TOPORS: variants seen among roughly 807,000 people sequenced by gnomAD.
TOPORS encodes the protein TOP1 binding arginine/serine rich protein, E3 ubiquitin ligase, also known as E3 ubiquitin-protein ligase Topors.
A neutral mutation model predicts 81.4 loss-of-function variants in TOPORS; 25 were observed. The ratio of observed to expected loss-of-function variants is 0.31; its 90% CI spans 0.22 to 0.43. The LOEUF is 0.43. Ranked by LOEUF, TOPORS falls within the 20% of genes least tolerant of loss-of-function variation. The pLI is 1.00. For synonymous variants in TOPORS, 473 were observed against 456.6 expected (o/e 1.04, Z -0.46); for missense variants, 1,101 against 1,267.0 (o/e 0.87, Z 1.99).
Position 32,542,676 on chromosome 9 carries a change from T to G in TOPORS, c.1849A>C (p.Lys617Gln), listed in dbSNP as rs191872498. 4.6e-5 allele frequency: 74 copies of G among 1,614,074 alleles called. No homozygotes were observed. In the East Asian group the frequency reaches 1.6e-3, roughly 36 times the overall value. The change falls in exon 3 of 3, where the codon AAG (lysine) becomes CAG (glutamine). Residue 617 changes from lysine to glutamine, a missense_variant. Around this residue, in one of 9 missense-constraint regions of TOPORS, gnomAD observed 605 missense variants for 636.1 expected, o/e 0.95. Transcript: ENST00000360538. ...RSGHDQKNHR[K>Q]HHGKKRMKSK... ...TTCATTCTTTTCTTCCCATGATGCT[T>G]TCTATGATTCTTCTGATCATGCCCA...
intron 2 of TOPORS, among the ~76,000 whole-genome samples, chr9:32,548,534 A>AAC (rs141782813): frequency 5.0e-4 from 75 of 150,806 alleles, no homozygotes; most frequent in Admixed American, 1.1e-3. Context: ...CTCACACACA[A>AAC]ACACACACAC....
Position 32,541,568 on chromosome 9 carries a change from G to A in TOPORS, c.2957C>T (p.Pro986Leu). 6.2e-7 allele frequency: 1 copy of A among 1,614,136 alleles called. No individual in the cohort carries two copies. Among genetic ancestry groups the A allele is most frequent in the Non-Finnish European group, 8.5e-7 (1 of 1,180,008 alleles). The stretch of plus-strand genomic sequence containing the variant: ...TTGTTCAACTGAAGCTGCCAGAGGT[G>A]GAATATTATCTACAGTTTTGTTGGC... ...NNANKTVDNI[P>L]PLAASVEQTL... Residue 986 changes from proline (P) to leucine (L), a missense_variant, in exon 3 of 3, where the codon CCA becomes CTA. Around this residue, in one of 9 missense-constraint regions of TOPORS, gnomAD observed 605 missense variants for 636.1 expected, o/e 0.95. Coordinates refer to ENST00000360538, the MANE Select transcript of TOPORS (RefSeq NM_005802.5).
In TOPORS at chr9:32,542,943, C is replaced by T; in HGVS notation, c.1582G>A (p.Asp528Asn). 1.2e-6 allele frequency: 2 copies of T among 1,614,104 alleles called. No homozygotes were observed. Among genetic ancestry groups the T allele is most frequent in the South Asian group, 1.1e-5 (1 of 91,080 alleles). The stretch of plus-strand genomic sequence containing the variant: ...TGTGGAGATGAGCATCTACTAACAT[C>T]GCTATCACCAGAACTGTAAGATTGC... Reference protein sequence around the residue: ...QEQSYSSGDSDVSRCSSPHSV... With the variant: ...QEQSYSSGDSNVSRCSSPHSV... The change falls in exon 3 of 3, where the codon GAT becomes AAT. Residue 528 changes from aspartate to asparagine, a missense_variant. By Grantham distance (23) the Asp-to-Asn change is conservative. Transcript: ENST00000360538.
Position 32,542,507 on chromosome 9 carries a change from C to A in TOPORS, c.2018G>T (p.Arg673Leu), listed in dbSNP as rs147497536. ...SSESTSRSRS[R>L]SSDHGKRRSR... ...TCTTCTTTTACCATGATCACTGCTA[C>A]GAGACCTTGATCTGCTTGTGCTTTC... is the stretch of plus-strand genomic sequence containing the variant. Residue 673 changes from arginine to leucine, a missense_variant, in exon 3 of 3, where the codon CGT becomes CTT. Arg to Leu is a moderately radical substitution (Grantham distance 102). Coordinates refer to ENST00000360538, the MANE Select transcript of TOPORS (RefSeq NM_005802.5). 261 of 1,614,000 alleles carry A rather than the reference C, an allele frequency of 1.6e-4. No homozygotes were observed. Among genetic ancestry groups the A allele is most frequent in the Non-Finnish European group, 2.1e-4 (242 of 1,180,012 alleles).
intron 2 of TOPORS, among the ~76,000 whole-genome samples, chr9:32,548,171 C>T (rs1056948241): frequency 2.6e-5 from 4 of 151,292 alleles, no homozygotes; most frequent in Admixed American, 6.6e-5. Context: ...CTTAACAAAG[C>T]TGTTTAAAAA....
chr9:32,548,424 T>C (rs1005306856), intron 2 of TOPORS, among the ~76,000 whole-genome samples: 2 of 151,552 alleles, frequency 1.3e-5, no homozygotes, highest in Non-Finnish European at 2.9e-5. Context: ...CTCGGGAGGC[T>C]GAAGCAGGAG....
Position 32,543,883 on chromosome 9 carries a change from T to C in TOPORS, c.642A>G (p.Glu214=). The change falls in exon 3 of 3, where the codon GAA becomes GAG. Residue 214 remains glutamate, a synonymous_variant. Transcript: ENST00000360538. This position sits in a 1 kb window ranked among gnomAD's most constrained non-coding sequence, Gnocchi z 5.6. ...TTPPDSGVLF[E]GLGISTRPRD... is the part of the protein sequence containing the mutation. ...TAGGTCTTGTTGAAATGCCTAACCC[T>C]TCAAACAGTACTCCACTATCCGGTG... 6.2e-7 allele frequency: 1 copy of C among 1,614,192 alleles called. No homozygotes were observed. The highest frequency in any genetic ancestry group is 8.5e-7 in the Non-Finnish European group (1 of 1,180,020).
Position 32,552,429 on chromosome 9 carries a change from C to CT in TOPORS, c.3+4dup, listed in dbSNP as rs781581293. 6.2e-7 allele frequency: 1 copy of CT among 1,609,666 alleles called. No individual in the cohort carries two copies. The highest frequency in any genetic ancestry group is 1.1e-5 in the South Asian group (1 of 90,158). ...AGCTCCCGCGGACTGCTGCCGCCTC[C>CT]TTACCATGAAGCCAGTAAGTCGTCG... On this transcript the variant is annotated splice_donor_region_variant and intron_variant, in intron 1 of 2. Coordinates refer to ENST00000360538, the MANE Select transcript of TOPORS (RefSeq NM_005802.5).
chr9:32,546,648 AGG>A (rs1426692142), intron 2 of TOPORS, among the ~76,000 whole-genome samples: 2 of 152,232 alleles, frequency 1.3e-5, no homozygotes, highest in Non-Finnish European at 2.9e-5. Context: ...AATTTATTAA[AGG>A]GAATTATTAG....
intron 2 of TOPORS, among the ~76,000 whole-genome samples, chr9:32,549,657 C>G (rs747043136): frequency 7.9e-5 from 12 of 152,108 alleles, no homozygotes; most frequent in Non-Finnish European, 1.6e-4. Flanking sequence ...TATATGGGTC[C>G]AGACAGAGGA....
At position 32,552,358 on chromosome 9, in the gene TOPORS, G is replaced by A. The variant is rs752272205; in HGVS notation, c.3+76C>T. On this transcript the variant is annotated intron_variant, in intron 1 of 2. Coordinates refer to ENST00000360538, the MANE Select transcript of TOPORS (RefSeq NM_005802.5). ...GGCTAAAAGATGGCTGCTGGCGCCT[G>A]GCAGCCACCGCCTGGGAGGTTACTG... is the stretch of plus-strand genomic sequence containing the variant. The A allele has an allele frequency of 3.2e-6, 5 of 1,577,192 alleles. No homozygotes were observed. The African/African-American group carries it at 5.4e-5, about 17-fold the overall frequency.
At chr9:32,551,025 A>AC (rs1821239601) in intron 1 of TOPORS, 57 bp from the exon 2 acceptor site, 2 of 1,579,762 alleles carry the variant, frequency 1.3e-6, no homozygotes, top group Middle Eastern at 2.1e-4. Flanking sequence ...AGAGAGCGAG[A>AC]CCCACCCCCC....
rs1431956520 is a variant in TOPORS, at chr9:32,542,318, C to G, written c.2207G>C (p.Ser736Thr). Residue 736 changes from serine (S) to threonine (T), a missense_variant, in exon 3 of 3, where the codon AGT becomes ACT. By Grantham distance (58) the Ser-to-Thr change is moderately conservative. Transcript: ENST00000360538. ...SRAHYSRQSS[S>T]PEFRVQSFSE... ...AAAGGACTGAACTCTAAATTCTGGA[C>G]TTGAAGACTGTCTAGAATAATGAGC... 6.2e-7 allele frequency: 1 copy of G among 1,614,168 alleles called. No individual in the cohort carries two copies. The highest frequency in any genetic ancestry group is 8.5e-7 in the Non-Finnish European group (1 of 1,180,042).
chr9:32,543,912 T>C lies in TOPORS; in HGVS notation c.613A>G (p.Thr205Ala), dbSNP rs1205787392. The C allele has an allele frequency of 2.5e-6, 4 of 1,614,008 alleles. No homozygotes were observed. The highest frequency in any genetic ancestry group is 1.7e-6 in the Non-Finnish European group (2 of 1,179,960). Reference protein sequence around the residue: ...PSGPVNRRTTTPPDSGVLFEG... With the variant: ...PSGPVNRRTTAPPDSGVLFEG... ...AACAGTACTCCACTATCCGGTGGAG[T>C]TGTTGTTCTTCTGTTCACAGGACCA... The change falls in exon 3 of 3, where the codon ACT (threonine) becomes GCT (alanine). Residue 205 changes from threonine (T) to alanine (A), a missense_variant. This residue lies in a region of TOPORS where 120 missense variants were observed against 115.4 expected (regional missense o/e 1.04). Coordinates refer to ENST00000360538, the MANE Select transcript of TOPORS (RefSeq NM_005802.5). This position sits in a 1 kb window ranked among gnomAD's most constrained non-coding sequence, Gnocchi z 5.6.
chr9:32,550,130 A>G (rs1412150241), intron 2 of TOPORS, among the ~76,000 whole-genome samples: 1 of 152,182 alleles, frequency 6.6e-6, no homozygotes, highest in Admixed American at 6.5e-5. Flanking sequence ...AAAATTACCT[A>G]TCAAAAGGTC....
chr9:32,541,743 T>G lies in TOPORS; in HGVS notation c.2782A>C (p.Asn928His). The G allele has an allele frequency of 1.2e-6, 2 of 1,614,220 alleles. No homozygotes were observed. Among genetic ancestry groups the G allele is most frequent in the Non-Finnish European group, 1.7e-6 (2 of 1,180,030 alleles). ...TGTAGAGGGTCTTGAGGACCACTAT[T>G]GTCACATTCTGTATCCTCCTTTACT... ...SEVKEDTECD[N>H]SGPQDPLQNE... The change falls in exon 3 of 3, where the codon AAT (asparagine) becomes CAT (histidine). Residue 928 changes from asparagine (N) to histidine (H), a missense_variant. Physicochemically the swap from Asn to His is moderately conservative, Grantham distance 68. Transcript: ENST00000360538.
intron 1 of TOPORS, chr9:32,552,178 A>C (rs1195486584): frequency 8.3e-6 from 3 of 360,556 alleles, no homozygotes; most frequent in Non-Finnish European, 5.1e-6. Flanking sequence ...AGTTGGCAAA[A>C]AAAAAAAAAA....
chr9:32,541,517 G>A lies in TOPORS; in HGVS notation c.3008C>T (p.Thr1003Ile), dbSNP rs1348881770. ...EQTLDVREES[T>I]FVSDLENQPS... The stretch of plus-strand genomic sequence containing the variant: ...CTGGTTCTCCAAATCAGAAACAAAG[G>A]TGCTCTCTTCTCTTACATCGAGAGT... Residue 1003 changes from threonine to isoleucine, a missense_variant, in exon 3 of 3, where the codon ACC becomes ATC. By Grantham distance (89) the Thr-to-Ile change is moderately conservative (BLOSUM62 -1). This residue lies in a region of TOPORS where 605 missense variants were observed against 636.1 expected (regional missense o/e 0.95). Coordinates refer to ENST00000360538, the MANE Select transcript of TOPORS (RefSeq NM_005802.5). 7 of 1,614,214 alleles carry A rather than the reference G, an allele frequency of 4.3e-6. No individual in the cohort carries two copies. The highest frequency in any genetic ancestry group is 5.9e-6 in the Non-Finnish European group (7 of 1,180,028).
rs1345834132 is a variant in TOPORS at position 32,543,780 on chromosome 9, T to C, written c.745A>G (p.Lys249Glu). 6.2e-7 allele frequency: 1 copy of C among 1,611,406 alleles called. No homozygotes were observed. Among genetic ancestry groups the C allele is most frequent in the South Asian group, 1.1e-5 (1 of 90,670 alleles). Residue 249 changes from lysine to glutamate, a missense_variant, in exon 3 of 3, where the codon AAA (lysine) becomes GAA (glutamate). Around this residue, in one of 9 missense-constraint regions of TOPORS, gnomAD observed 120 missense variants for 115.4 expected, o/e 1.04. Coordinates refer to ENST00000360538, the MANE Select transcript of TOPORS (RefSeq NM_005802.5). This position sits in a 1 kb window ranked among gnomAD's most constrained non-coding sequence, Gnocchi z 5.6. ...TTAATAATATCTTGTTCTTGAATTT[T>C]CCGCAAAGATCTTTCATCTGCCGTA... ...PTTADERSLR[K>E]IQEQDIINFR...
Sources: allele counts gnomAD v4.1 joint callset (sites outside exome capture counted in the v4.1 genomes callset), GRCh38; gene constraint gnomAD v4.1.1; regional missense constraint gnomAD v4.1.1; non-coding constraint Gnocchi (gnomAD v3.1); transcripts MANE v1.5; gene names NCBI Gene and HGNC (gene_info 2026-07-23, HGNC 2026-07-21).